TNIP1: variants seen among roughly 807,000 people sequenced by gnomAD.
TNIP1 encodes TNFAIP3 interacting protein 1.
A neutral mutation model predicts 86.6 loss-of-function variants in TNIP1; 22 were observed. That is an observed-to-expected ratio of 0.25 (90% CI 0.18 to 0.36). The LOEUF (loss-of-function observed/expected upper bound fraction) is 0.36. TNIP1 is among the 10% of genes least tolerant of loss of function. The probability of loss-of-function intolerance (pLI) is 1.00; values close to 1 mark genes in which losing one functional copy is unlikely to be tolerated. For missense variants in TNIP1, 709 were observed against 820.6 expected (o/e 0.86, Z 1.66); for synonymous variants, 294 against 313.0 (o/e 0.94, Z 0.64).
chr5:151,074,275 C>T (rs1763140151), intron 1 of TNIP1, among the ~76,000 whole-genome samples: 1 of 151,564 alleles, frequency 6.6e-6, no homozygotes, highest in Admixed American at 6.6e-5. Context: ...GAGCTGAGTG[C>T]AGTGGTGCAT....
chr5:151,041,739 G>A (rs535962477), intron 11 of TNIP1, among the ~76,000 whole-genome samples: 9 of 152,092 alleles, frequency 5.9e-5, no homozygotes, highest in Non-Finnish European at 8.8e-5. Context: ...CTTTCCCAGC[G>A]AGGGCAGGGT....
Position 151,063,630 on chromosome 5 carries a change from G to T in TNIP1, c.254C>A (p.Pro85His), listed in dbSNP as rs765091220. The T allele has an allele frequency of 2.5e-6, 4 of 1,614,078 alleles. No individual in the cohort carries two copies. The highest frequency in any genetic ancestry group is 1.7e-4 in the Middle Eastern group (1 of 6,056). ...PPSPSLGSFD[P>H]LAELTGKDSN... is the part of the protein sequence containing the mutation. ...TCTTATACCTGTGAGCTCAGCCAGG[G>T]GGTCGAAGGAGCCCAAGGAGGGAGA... Residue 85 changes from proline (P) to histidine (H), a missense_variant, in exon 3 of 18, where the codon CCC becomes CAC. By Grantham distance (77) the Pro-to-His change is moderately conservative (BLOSUM62 -2). Transcript: ENST00000521591.
upstream of TNIP1, among the ~76,000 whole-genome samples, chr5:151,082,979 C>G (rs989487557): frequency 6.6e-6 from 1 of 151,160 alleles, no homozygotes; most frequent in Admixed American, 6.7e-5. Flanking sequence ...AAAGGACTTA[C>G]TCTAGGCCAC....
intron 1 of TNIP1, among the ~76,000 whole-genome samples, chr5:151,075,230 T>C (rs1010396429): frequency 6.6e-6 from 1 of 152,206 alleles, no homozygotes; most frequent in Non-Finnish European, 1.5e-5. Flanking sequence ...TTTCAACTGA[T>C]TGGAAATGTG....
At chr5:151,074,898 C>T (rs533737191) in intron 1 of TNIP1, among the ~76,000 whole-genome samples, 1 of 152,322 alleles carries the variant, frequency 6.6e-6, no homozygotes, top group East Asian at 1.9e-4. Flanking sequence ...CCACCTTAGC[C>T]TCTCAAGTAG....
chr5:151,065,120 G>T lies in TNIP1; in HGVS notation c.-25C>A. On this transcript the variant is annotated 5_prime_UTR_variant, in exon 2 of 18. Transcript: ENST00000521591. ...TGAGGGTAGCTCAGCCCCTGCCGTG[G>T]TGCCCGCCTGGCTGTAAGGACAACA... 1 of 1,606,706 alleles carries T rather than the reference G, an allele frequency of 6.2e-7. No individual in the cohort carries two copies.
chr5:151,048,855 T>G (rs1349354243), intron 8 of TNIP1, among the ~76,000 whole-genome samples: 1 of 152,176 alleles, frequency 6.6e-6, no homozygotes, highest in Non-Finnish European at 1.5e-5. Flanking sequence ...TCACCATTTA[T>G]CAGCATGTTT....
Position 151,039,097 on chromosome 5 carries a change from C to A in TNIP1, c.1263G>T (p.Lys421Asn). 6.2e-7 allele frequency: 1 copy of A among 1,612,620 alleles called. No homozygotes were observed. The highest frequency in any genetic ancestry group is 8.5e-7 in the Non-Finnish European group (1 of 1,179,266). ...AAGGGACCCGGGCCAAGGCACCCACCTTGTTGAGCCGCTGGATCTCCTTTT... is the reference window on the plus strand; with the variant it reads ...AAGGGACCCGGGCCAAGGCACCCACATTGTTGAGCCGCTGGATCTCCTTTT... ...YQEKEIQRLN[K>N]ALEEALSIQT... The change falls in exon 12 of 18, where the codon AAG (lysine) becomes AAT (asparagine). Residue 421 changes from lysine (K) to asparagine (N), a missense_variant and splice_region_variant. Physicochemically the swap from Lys to Asn is moderately conservative, Grantham distance 94. Transcript: ENST00000521591.
chr5:151,041,446 C>A (rs1758405686), intron 11 of TNIP1, among the ~76,000 whole-genome samples: 1 of 152,214 alleles, frequency 6.6e-6, no homozygotes, highest in Non-Finnish European at 1.5e-5. Flanking sequence ...TCACAGCTCA[C>A]TGAAGCTTCC....
upstream of TNIP1, among the ~76,000 whole-genome samples, chr5:151,085,596 G>C (rs1764244955): frequency 6.6e-6 from 1 of 152,212 alleles, no homozygotes; most frequent in Non-Finnish European, 1.5e-5. Flanking sequence ...AGGGCAAAGT[G>C]ACACTGGGGG....
At chr5:151,038,511 G>A (rs992188300) in intron 12 of TNIP1, among the ~76,000 whole-genome samples, 9 of 152,148 alleles carry the variant, frequency 5.9e-5, no homozygotes, top group African/African-American at 2.2e-4. Context: ...CAGACCAGAG[G>A]GTTTCTGGTT....
chr5:151,051,075 T>G (rs965212677), intron 7 of TNIP1, among the ~76,000 whole-genome samples: 2 of 152,202 alleles, frequency 1.3e-5, no homozygotes, highest in African/African-American at 4.8e-5. Flanking sequence ...CTTGCATTCT[T>G]GCCTTCTAAT....
chr5:151,052,053 T>C (rs1759995286), intron 7 of TNIP1, 112 bp downstream of exon 7: 3 of 877,354 alleles, frequency 3.4e-6, no homozygotes. Context: ...AATAGGGCTC[T>C]GGGCACAGGG....
chr5:151,080,476 T>A (rs1364409650), intron 1 of TNIP1: 4 of 151,880 alleles, frequency 2.6e-5, no homozygotes, highest in Non-Finnish European at 1.5e-5. Flanking sequence ...CCAATAAAAA[T>A]TATTATTTTC....
At chr5:151,048,680 G>A (rs866797609) in intron 8 of TNIP1, among the ~76,000 whole-genome samples, 1 of 152,138 alleles carries the variant, frequency 6.6e-6, no homozygotes, top group Non-Finnish European at 1.5e-5. Context: ...ACCTGTCCAG[G>A]GAATTCCACA....
chr5:151,042,507 A>C (rs1758557278), intron 11 of TNIP1, 33 bp downstream of exon 11: 3 of 1,604,158 alleles, frequency 1.9e-6, no homozygotes, highest in Non-Finnish European at 1.7e-6. Context: ...GTGGAGGGGA[A>C]CTGACTCTGC....
chr5:151,059,779 C>CAGAGAGAGAGAG (rs55637016), intron 5 of TNIP1, among the ~76,000 whole-genome samples: 716 of 67,336 alleles, frequency 0.011, 27 homozygotes, highest in Admixed American at 0.019. Context: ...GTACGAGAGA[C>CAGAGAGAGAGAG]AGAGAGAGAG....
rs1760027922 is a variant in TNIP1 at position 151,052,212 on chromosome 5, C to A, written c.675G>T (p.Lys225Asn). 1.2e-6 allele frequency: 2 copies of A among 1,614,120 alleles called. No individual in the cohort carries two copies. Among genetic ancestry groups the A allele is most frequent in the Non-Finnish European group, 1.7e-6 (2 of 1,180,010 alleles). ...CCCGCTGTTCCAGGCCCTTATCCAA[C>A]TTGGCCTTCAGAGCCTCGTTCTCCT... ...LRKENEALKA[K>N]LDKGLEQRDQ... Residue 225 changes from lysine to asparagine, a missense_variant, in exon 7 of 18, where the codon AAG (lysine) becomes AAT (asparagine). By Grantham distance (94) the Lys-to-Asn change is moderately conservative (BLOSUM62 0). Transcript: ENST00000521591.
chr5:151,062,078 T>C (rs532395860), intron 4 of TNIP1, 49 bp downstream of exon 4: 7 of 1,529,386 alleles, frequency 4.6e-6, no homozygotes, highest in Admixed American at 1.7e-5. Context: ...TCAGTAGGAC[T>C]TGAGGTCCAT....
Sources: allele counts gnomAD v4.1 joint callset (sites outside exome capture counted in the v4.1 genomes callset), GRCh38; gene constraint gnomAD v4.1.1; transcripts MANE v1.5; gene names NCBI Gene and HGNC (gene_info 2026-07-23, HGNC 2026-07-21).